The following CADM2 variants were observed in gnomAD, a reference collection of about 807,000 sequenced individuals.
The protein encoded by CADM2 is immunoglobulin superfamily member 4D.
Under a neutral mutation model 49.8 loss-of-function variants are expected in CADM2, and 12 were observed. The ratio of observed to expected loss-of-function variants is 0.24; its 90% CI spans 0.15 to 0.39. CADM2 has a LOEUF of 0.39. Among genes scored for constraint, CADM2 ranks in the 10% least tolerant of loss-of-function variants. CADM2 has a pLI of 1.00. For synonymous variants in CADM2, 214 were observed against 175.4 expected (o/e 1.22, Z -1.74); for missense variants, 378 against 492.3 (o/e 0.77, Z 2.20).
Position 85,853,003 on chromosome 3 carries a change from C to T in CADM2, c.239-30288C>T, listed in dbSNP as rs371459733. On this transcript the variant is annotated intron_variant, in intron 3 of 9. Transcript: ENST00000383699. ...GTATGTTTAAATATTTACTTTAAAA[C>T]GAATAAAAATATAGTATTTAAAACT... Among the ~76,000 whole-genome samples the T allele has an allele frequency of 1.9e-3, 290 of 151,918 alleles. 1 individual carries two copies. Among genetic ancestry groups the T allele is most frequent in the South Asian group, 6.2e-3 (30 of 4,824 alleles).
chr3:85,704,008 G>T (rs957126000), intron 1 of CADM2, among the ~76,000 whole-genome samples: 1 of 152,072 alleles, frequency 6.6e-6, no homozygotes, highest in Middle Eastern at 3.4e-3. Context: ...ATATTTTTTT[G>T]CTCTGTAATT....
intron 1 of CADM2, among the ~76,000 whole-genome samples, chr3:85,331,180 T>C (rs1363992586): frequency 3.3e-5 from 5 of 152,122 alleles, no homozygotes; most frequent in Admixed American, 3.3e-4. Flanking sequence ...AAAATTTTCT[T>C]TACCATAGTT....
intron 1 of CADM2, among the ~76,000 whole-genome samples, chr3:85,512,574 C>A (rs750297895): frequency 6.6e-6 from 1 of 151,906 alleles, no homozygotes; most frequent in South Asian, 2.1e-4. Context: ...AGGATTTATT[C>A]TTAAAGTAAG....
At chr3:86,066,512 T>C (rs1186967293) in intron 9 of CADM2, among the ~76,000 whole-genome samples, 153 bp from the exon 10 acceptor site, 3 of 152,128 alleles carry the variant, frequency 2.0e-5, no homozygotes, top group Non-Finnish European at 2.9e-5. Flanking sequence ...ACCTGAAAAC[T>C]GTAAGAAAAC....
chr3:86,025,752 C>A (rs948054302), intron 8 of CADM2, among the ~76,000 whole-genome samples: 1 of 151,994 alleles, frequency 6.6e-6, no homozygotes, highest in Non-Finnish European at 1.5e-5. Context: ...AATCATTTTA[C>A]AATAAGTATT....
intron 3 of CADM2, among the ~76,000 whole-genome samples, chr3:85,828,861 A>G (rs372944781): frequency 6.6e-6 from 1 of 151,984 alleles, no homozygotes. Context: ...ATAGATTCCC[A>G]GTAAATCCTA....
In CADM2 at chr3:85,676,475, TCTTAA is replaced by T. The variant is rs1426138249; in HGVS notation, c.62-50042_62-50038del. On this transcript the variant is annotated intron_variant, in intron 1 of 9. Transcript: ENST00000383699. ...AATGCTGTCCTTTTTCCTTAATGTA[TCTTAA>T]CTTACCTGCTTATTAAAAGCATAGT... Among the ~76,000 whole-genome samples the T allele has an allele frequency of 8.1e-4, 124 of 152,308 alleles. 1 individual carries two copies. Among genetic ancestry groups the T allele is most frequent in the African/African-American group, 2.9e-3 (120 of 41,576 alleles).
chr3:85,111,833 T>C (rs1575893299), intron 1 of CADM2, among the ~76,000 whole-genome samples: 1 of 151,876 alleles, frequency 6.6e-6, no homozygotes, highest in Non-Finnish European at 1.5e-5. Context: ...AACTTTCAAC[T>C]GTAAGATAAA....
At chr3:85,680,352 G>A (rs7612090) in intron 1 of CADM2, among the ~76,000 whole-genome samples, 73,666 of 151,934 alleles carry the variant, frequency 0.48, 18,434 homozygotes, top group African/African-American at 0.62. Flanking sequence ...AAGATAAAGG[G>A]CTGATCTTGA....
At chr3:85,641,656 G>A (rs936782245) in intron 1 of CADM2, among the ~76,000 whole-genome samples, 2 of 152,062 alleles carry the variant, frequency 1.3e-5, no homozygotes, top group African/African-American at 4.8e-5. Context: ...GCCGGGCACG[G>A]TGGCTCATGC....
rs1317212018 is a variant in CADM2 at position 86,072,307 on chromosome 3, A to G, written c.*5524A>G. On this transcript the variant is annotated 3_prime_UTR_variant, in exon 10 of 10. Coordinates refer to ENST00000383699, the MANE Select transcript of CADM2 (RefSeq NM_001167675.2). The stretch of plus-strand genomic sequence containing the variant: ...ATGCATATATATATCAAGAAGTTAT[A>G]TATATATAACTCAAGAAACTCAAGT... The G allele has an allele frequency of 6.6e-6, 1 of 151,682 alleles. No homozygotes were observed. The highest frequency in any genetic ancestry group is 1.5e-5 in the Non-Finnish European group (1 of 67,860). 9.4% of individuals were successfully genotyped at this position (151,682 alleles called of 1,614,324 possible).
chr3:85,671,531 A>C (rs1196662568), intron 1 of CADM2, among the ~76,000 whole-genome samples: 1 of 152,198 alleles, frequency 6.6e-6, no homozygotes, highest in Non-Finnish European at 1.5e-5. Context: ...AGAAGTGAAA[A>C]CTAGATGACC....
chr3:85,971,365 G>T (rs1262340885), intron 8 of CADM2, among the ~76,000 whole-genome samples: 1 of 151,616 alleles, frequency 6.6e-6, no homozygotes, highest in African/African-American at 2.4e-5. Context: ...TGACCAAGCC[G>T]AAAGTCTTCA....
intron 1 of CADM2, among the ~76,000 whole-genome samples, chr3:85,626,273 T>G (rs1032011925): frequency 6.6e-6 from 1 of 152,102 alleles, no homozygotes; most frequent in Admixed American, 6.6e-5. Context: ...ACATCCTATT[T>G]AATATGAATA....
chr3:86,041,496 T>C (rs1052906735), intron 8 of CADM2, among the ~76,000 whole-genome samples: 2 of 152,126 alleles, frequency 1.3e-5, no homozygotes, highest in African/African-American at 4.8e-5. Flanking sequence ...GGCCATTACA[T>C]AATGGTAAAG....
chr3:85,330,999 A>C (rs529444360), intron 1 of CADM2, among the ~76,000 whole-genome samples: 1 of 152,048 alleles, frequency 6.6e-6, no homozygotes, highest in Non-Finnish European at 1.5e-5. Context: ...TAGAACGTTT[A>C]TGGATATATA....
intron 6 of CADM2, among the ~76,000 whole-genome samples, chr3:85,913,952 G>C (rs1175881488): frequency 6.6e-6 from 1 of 152,120 alleles, no homozygotes; most frequent in Non-Finnish European, 1.5e-5. Context: ...GTGCCAGTGA[G>C]ACTGGAGTAG....
At chr3:85,735,189 G>A (rs1413468561) in intron 2 of CADM2, among the ~76,000 whole-genome samples, 1 of 152,106 alleles carries the variant, frequency 6.6e-6, no homozygotes, top group Non-Finnish European at 1.5e-5. Context: ...GGAAGAATGA[G>A]TTAGGAATAC....
At chr3:85,025,316 C>T (rs2034678630) in intron 1 of CADM2, among the ~76,000 whole-genome samples, 1 of 152,084 alleles carries the variant, frequency 6.6e-6, no homozygotes, top group South Asian at 2.1e-4. Flanking sequence ...AAAGCAGTTA[C>T]AGTCAAGAAA....
Sources: allele counts gnomAD v4.1 joint callset (sites outside exome capture counted in the v4.1 genomes callset), GRCh38; gene constraint gnomAD v4.1.1; transcripts MANE v1.5; gene names NCBI Gene and HGNC (gene_info 2026-07-23, HGNC 2026-07-21).